The following THSD4 variants were observed in gnomAD, a reference collection of about 807,000 sequenced individuals.
The protein encoded by THSD4 is thrombospondin type 1 domain containing 4, also known as thrombospondin type-1 domain-containing protein 4.
A neutral mutation model predicts 119.0 loss-of-function variants in THSD4; 69 were observed. The ratio of observed to expected loss-of-function variants is 0.58; its 90% CI spans 0.48 to 0.71. The LOEUF is 0.71. Ranked by LOEUF, THSD4 falls within the 30% of genes least tolerant of loss-of-function variation. The pLI, the probability that THSD4 is intolerant of heterozygous loss-of-function variation, is 0.00. For synonymous variants in THSD4, 524 were observed against 540.4 expected (o/e 0.97, Z 0.42); for missense variants, 1,393 against 1,391.1 (o/e 1.00, Z -0.02).
rs115190476 is a variant in THSD4, at chr15:71,325,590, T to C, written c.1015+68875T>C. The stretch of plus-strand genomic sequence containing the variant: ...GTCACAGTCACAGTCCTCCCTGGAA[T>C]TCAAGTCAGAGTACAAGGTTACATG... On this transcript the variant is annotated intron_variant, in intron 6 of 17. Coordinates refer to ENST00000261862, the MANE Select transcript of THSD4 (RefSeq NM_024817.3). Among the ~76,000 whole-genome samples, 356 of 152,346 alleles carry C rather than the reference T, an allele frequency of 2.3e-3. 12 individuals are homozygous for C. In the South Asian group the frequency reaches 0.04, roughly 17 times the overall value.
chr15:71,658,679 T>A (rs2051237815), intron 7 of THSD4, among the ~76,000 whole-genome samples: 1 of 152,222 alleles, frequency 6.6e-6, no homozygotes, highest in Admixed American at 6.5e-5. Context: ...ATTCCTTATT[T>A]TTTCTGCTAA....
Position 71,698,947 on chromosome 15 carries a change from G to C in THSD4, c.1358-29602G>C, listed in dbSNP as rs192759289. ...GGGAAATGGGAGGTGTTATTCAAAG[G>C]GTACAAAGTTTCAGTTATAAAAGAT... On this transcript the variant is annotated intron_variant, in intron 8 of 17. Coordinates refer to ENST00000261862, the MANE Select transcript of THSD4 (RefSeq NM_024817.3). 3.2e-3 allele frequency among the ~76,000 whole-genome samples: 490 copies of C among 152,034 alleles called. 2 individuals carry two copies. The highest frequency in any genetic ancestry group is 0.011 in the African/African-American group (452 of 41,492).
At position 71,618,393 on chromosome 15, in the gene THSD4, C is replaced by G. The variant is rs76204014; in HGVS notation, c.1153-42137C>G. On this transcript the variant is annotated intron_variant, in intron 7 of 17. Transcript: ENST00000261862. The stretch of plus-strand genomic sequence containing the variant: ...ACTAAACTATACGCATATGTGTCGA[C>G]GTGGATAGATCTCAAAAACAACAGA... Among the ~76,000 whole-genome samples the G allele has an allele frequency of 4.7e-3, 712 of 152,276 alleles. 8 individuals carry two copies. Among genetic ancestry groups the G allele is most frequent in the African/African-American group, 0.016 (666 of 41,536 alleles).
At chr15:71,284,828 TA>T (rs1006682525) in intron 6 of THSD4, among the ~76,000 whole-genome samples, 2 of 150,416 alleles carry the variant, frequency 1.3e-5, no homozygotes, top group Admixed American at 6.6e-5. Context: ...GTTTTCTCAT[TA>T]AAAAAAAACA....
chr15:71,478,556 C>G (rs2047682830), intron 7 of THSD4, among the ~76,000 whole-genome samples: 1 of 152,136 alleles, frequency 6.6e-6, no homozygotes, highest in South Asian at 2.1e-4. Context: ...CTGTAGTAAC[C>G]TGTTATAAAA....
intron 7 of THSD4, among the ~76,000 whole-genome samples, chr15:71,540,085 C>T (rs534673354): frequency 6.6e-6 from 1 of 150,466 alleles, no homozygotes; most frequent in East Asian, 2.0e-4. Flanking sequence ...TTGTGCATGG[C>T]TTCATTTCTC....
At chr15:71,698,070 C>CCCTCGGGACCG (rs2052203618) in intron 8 of THSD4, among the ~76,000 whole-genome samples, 1 of 152,134 alleles carries the variant, frequency 6.6e-6, no homozygotes, top group Non-Finnish European at 1.5e-5. Context: ...ACTGCAGAGT[C>CCCTCGGGACCG]CCTCGGGACC....
At position 71,484,097 on chromosome 15, in the gene THSD4, C is replaced by T. The variant is rs370666022; in HGVS notation, c.1152+72274C>T. On this transcript the variant is annotated intron_variant, in intron 7 of 17. Coordinates refer to ENST00000261862, the MANE Select transcript of THSD4 (RefSeq NM_024817.3). ...TCACATTGGACCCATTAACTAGCTT[C>T]TCTGTGAACCTAGACTTTCTCAGGA... 1.1e-3 allele frequency among the ~76,000 whole-genome samples: 173 copies of T among 152,302 alleles called. 1 individual carries two copies. Among genetic ancestry groups the T allele is most frequent in the Non-Finnish European group, 2.3e-3 (156 of 68,032 alleles).
intron 4 of THSD4, among the ~76,000 whole-genome samples, chr15:71,215,857 C>T (rs868497833): frequency 1.3e-5 from 2 of 152,340 alleles, no homozygotes; most frequent in South Asian, 2.1e-4. Flanking sequence ...CCTTAGAATG[C>T]TCCCAAGCTG....
chr15:71,719,386 T>A (rs1212720133), intron 8 of THSD4, among the ~76,000 whole-genome samples: 1 of 152,264 alleles, frequency 6.6e-6, no homozygotes, highest in East Asian at 1.9e-4. Flanking sequence ...TGCGTATATT[T>A]GTTTAACAGA....
At chr15:71,609,546 A>C (rs1369507122) in intron 7 of THSD4, among the ~76,000 whole-genome samples, 1 of 152,076 alleles carries the variant, frequency 6.6e-6, no homozygotes, top group Non-Finnish European at 1.5e-5. Flanking sequence ...ACATGGAGGG[A>C]GAGAGTATAA....
At position 71,379,843 on chromosome 15, in the gene THSD4, T is replaced by A. The variant is rs569914818; in HGVS notation, c.1016-31844T>A. ...GTTTAAAAAAAAACTTCAGACAAAT[T>A]AAATTTAACAGAATTTAATTGAATG... On this transcript the variant is annotated intron_variant, in intron 6 of 17. Coordinates refer to ENST00000261862, the MANE Select transcript of THSD4 (RefSeq NM_024817.3). Among the ~76,000 whole-genome samples, 33 of 152,224 alleles carry A rather than the reference T, an allele frequency of 2.2e-4. No individual in the cohort carries two copies. In the South Asian group the frequency reaches 6.8e-3, roughly 32 times the overall value.
chr15:71,664,865 G>A (rs949164559), intron 8 of THSD4, among the ~76,000 whole-genome samples: 2 of 152,146 alleles, frequency 1.3e-5, no homozygotes, highest in African/African-American at 4.8e-5. Flanking sequence ...TGGTGTATAT[G>A]TACCACATTT....
At chr15:71,271,092 T>A (rs544857812) in intron 6 of THSD4, among the ~76,000 whole-genome samples, 233 of 152,296 alleles carry the variant, frequency 1.5e-3, no homozygotes, top group African/African-American at 4.7e-3. Context: ...TATAAAAAGC[T>A]TCTTCATCAT....
chr15:71,514,084 G>A (rs1363669578), intron 7 of THSD4, among the ~76,000 whole-genome samples: 5 of 152,192 alleles, frequency 3.3e-5, no homozygotes, highest in Non-Finnish European at 7.4e-5. Flanking sequence ...GGGTGAGCCA[G>A]TGCTTGAACT....
intron 7 of THSD4, among the ~76,000 whole-genome samples, chr15:71,650,273 C>A (rs2051057708): frequency 6.6e-6 from 1 of 152,184 alleles, no homozygotes; most frequent in Admixed American, 6.5e-5. Context: ...GAGGTATTTA[C>A]TCTCTGGCTC....
At chr15:71,714,432 G>A (rs1293155154) in intron 8 of THSD4, among the ~76,000 whole-genome samples, 4 of 152,168 alleles carry the variant, frequency 2.6e-5, no homozygotes, top group Admixed American at 6.5e-5. Flanking sequence ...GTTAGGATAG[G>A]TTAATGGATA....
chr15:71,111,451 G>A, upstream of THSD4: 2 of 1,550,252 alleles, frequency 1.3e-6, no homozygotes, highest in Non-Finnish European at 1.8e-6. Flanking sequence ...AAAAGGACTG[G>A]GTTAAGGAGG....
chr15:71,737,427 T>C (rs2053135207), intron 10 of THSD4, among the ~76,000 whole-genome samples: 2 of 152,240 alleles, frequency 1.3e-5, no homozygotes, highest in South Asian at 2.1e-4. Context: ...TATGGAATTA[T>C]GAGTAAAGTT....
Sources: gnomAD v4.1 joint callset for allele counts (sites outside exome capture counted in the v4.1 genomes callset) on GRCh38, gnomAD v4.1.1 for gene constraint, MANE v1.5 for transcripts, NCBI Gene and HGNC (gene_info 2026-07-23, HGNC 2026-07-21) for gene names.